Variants in VWA5B1 observed in about 807,000 individuals in gnomAD.
The protein encoded by VWA5B1 is von Willebrand factor A domain-containing protein 5B1.
In VWA5B1, 115 loss-of-function variants were observed where a neutral mutation model predicts 118.2. The ratio of observed to expected loss-of-function variants is 0.97; its 90% CI spans 0.84 to 1.14. The LOEUF is 1.14. VWA5B1 is among the 50% of genes most tolerant of loss of function. The pLI, the probability that VWA5B1 is intolerant of heterozygous loss-of-function variation, is 0.00. For missense variants in VWA5B1, 1,596 were observed against 1,603.8 expected (o/e 1.00, Z 0.08); for synonymous variants, 682 against 658.4 (o/e 1.04, Z -0.55).
At chr1:20,343,028 GCCGTCTGTCCCC>G in intron 15 of VWA5B1, 39 bp from the exon 16 acceptor site, 2 of 1,465,378 alleles carry the variant, frequency 1.4e-6, no homozygotes, top group Non-Finnish European at 1.8e-6. Flanking sequence ...CTGGGAGTTG[GCCGTCTGTCCCC>G]CAGGTCAGCG....
In VWA5B1 at chr1:20,334,676, C is replaced by G. The variant is rs566804854; in HGVS notation, c.1759-1627C>G. Among the ~76,000 whole-genome samples the G allele has an allele frequency of 1.4e-4, 21 of 152,048 alleles. No individual in the cohort carries two copies. In the East Asian group the frequency reaches 4.1e-3, roughly 30 times the overall value. On this transcript the variant is annotated intron_variant, in intron 12 of 21. Coordinates refer to ENST00000289815, the MANE Select transcript of VWA5B1 (RefSeq NM_001039500.3). ...AAATACAAAAATTAGCCAGGCGTGG[C>G]GTCAGTCACCTGCAACCCCAGCTAC... is the stretch of plus-strand genomic sequence containing the variant.
chr1:20,293,926 G>A (rs1035460846), intron 1 of VWA5B1, among the ~76,000 whole-genome samples: 2 of 152,170 alleles, frequency 1.3e-5, no homozygotes, highest in African/African-American at 4.8e-5. Context: ...TGTTTCCCAC[G>A]TGACTGGAGT....
intron 1 of VWA5B1, among the ~76,000 whole-genome samples, chr1:20,292,202 T>C (rs2088323032): frequency 6.6e-6 from 1 of 151,090 alleles, no homozygotes; most frequent in Non-Finnish European, 1.5e-5. Context: ...ACCTCCTTCC[T>C]TCTTTTTTTT....
At position 20,337,664 on chromosome 1, in the gene VWA5B1, G is replaced by A. The variant is rs1390359139; in HGVS notation, c.1961G>A (p.Arg654Gln). 5.8e-6 allele frequency: 9 copies of A among 1,551,386 alleles called. No homozygotes were observed. The highest frequency in any genetic ancestry group is 1.4e-5 in the African/African-American group (1 of 73,078). The change falls in exon 14 of 22, where the codon CGA (arginine) becomes CAA (glutamine). Residue 654 changes from arginine to glutamine, a missense_variant. Physicochemically the swap from Arg to Gln is conservative, Grantham distance 43 (BLOSUM62 1). Transcript: ENST00000289815. Reference sequence around the variant, plus strand: ...TGTCCAGATCTGAACCTCTCTCAGCGACGGAGGGCATACAGCACCAACCAG... The same window carrying A: ...TGTCCAGATCTGAACCTCTCTCAGCAACGGAGGGCATACAGCACCAACCAG... ...TTKHDLNLSQ[R>Q]RRAYSTNQIT...
At chr1:20,295,334 A>T (rs1438454409) in intron 1 of VWA5B1, among the ~76,000 whole-genome samples, 1 of 152,104 alleles carries the variant, frequency 6.6e-6, no homozygotes, top group African/African-American at 2.4e-5. Context: ...GGCGGAGCTG[A>T]ATTTGACGTG....
Position 20,330,309 on chromosome 1 carries a change from GT to G in VWA5B1, c.1385del (p.Val462GlyfsTer40). 1.3e-6 allele frequency: 2 copies of G among 1,551,778 alleles called. No homozygotes were observed. The highest frequency in any genetic ancestry group is 1.7e-6 in the Non-Finnish European group (2 of 1,147,014). ...VHRGHPRLLFVITDGAVNNTG... is the reference protein window; with the variant it reads ...VHRGHPRLLFXITDGAVNNTG... ...CCGAGGCCACCCGCGGCTCCTCTTC[GT>G]GATCACAGATGGCGCTGTCAACAAC... On this transcript the variant is annotated frameshift_variant, in exon 10 of 22. Coordinates refer to ENST00000289815, the MANE Select transcript of VWA5B1 (RefSeq NM_001039500.3). LOFTEE classifies it high-confidence loss of function.
chr1:20,350,839 C>G lies in VWA5B1; in HGVS notation c.2954-18C>G. On this transcript the variant is annotated intron_variant, in intron 19 of 21. Coordinates refer to ENST00000289815, the MANE Select transcript of VWA5B1 (RefSeq NM_001039500.3). ...GGTCATCTTCAGGTCTCAACTTGGTCATTCTGTGGCTCTCCAGGTCCCCAG... is the reference window on the plus strand; with the variant it reads ...GGTCATCTTCAGGTCTCAACTTGGTGATTCTGTGGCTCTCCAGGTCCCCAG... 1 of 1,551,618 alleles carries G rather than the reference C, an allele frequency of 6.4e-7. No homozygotes were observed.
chr1:20,315,867 T>G (rs556899160), intron 4 of VWA5B1, among the ~76,000 whole-genome samples: 4 of 152,218 alleles, frequency 2.6e-5, no homozygotes, highest in Non-Finnish European at 5.9e-5. Flanking sequence ...CGCCAGCCTG[T>G]GTGTTGTCTT....
chr1:20,356,836 A>G lies in VWA5B1; in HGVS notation c.*2573A>G, dbSNP rs1430272468. ...AGGTCTGGACAAGAGACATTTTTAA[A>G]GAACTTCAGTGGTATTGAGATGACA... On this transcript the variant is annotated 3_prime_UTR_variant, in exon 22 of 22. Coordinates refer to ENST00000289815, the MANE Select transcript of VWA5B1 (RefSeq NM_001039500.3). Among the ~76,000 whole-genome samples, 1 of 152,222 alleles carries G rather than the reference A, an allele frequency of 6.6e-6. No homozygotes were observed. Among genetic ancestry groups the G allele is most frequent in the African/African-American group, 2.4e-5 (1 of 41,448 alleles).
intron 1 of VWA5B1, among the ~76,000 whole-genome samples, chr1:20,291,359 T>TCTCTCTCTCTCTCTCTCTCTCTCTCTCTC (rs2088297636): frequency 9.7e-6 from 1 of 103,342 alleles, no homozygotes; most frequent in African/African-American, 3.6e-5. Context: ...CTTTCTTTCT[T>TCTCTCTCTCTCTCTCTCTCTCTCTCTCTC]TCTCTCTCTC....
chr1:20,313,717 G>C (rs56321439), intron 3 of VWA5B1, among the ~76,000 whole-genome samples: 2 of 152,308 alleles, frequency 1.3e-5, no homozygotes, highest in South Asian at 4.1e-4. Context: ...TGTTCGGTGA[G>C]CACTCATCCT....
intron 17 of VWA5B1, among the ~76,000 whole-genome samples, chr1:20,347,829 C>T (rs368676389): frequency 3.3e-5 from 5 of 152,114 alleles, no homozygotes; most frequent in African/African-American, 1.2e-4. Flanking sequence ...ATTTCAGGGG[C>T]CTGCCCTGTG....
chr1:20,321,978 C>A (rs2089232902), intron 7 of VWA5B1, among the ~76,000 whole-genome samples: 1 of 152,154 alleles, frequency 6.6e-6, no homozygotes, highest in Admixed American at 6.5e-5. Context: ...TCTGGCTGCT[C>A]TCTGCAGAAT....
At chr1:20,320,142 G>A (rs918963776) in intron 7 of VWA5B1, among the ~76,000 whole-genome samples, 1 of 152,180 alleles carries the variant, frequency 6.6e-6, no homozygotes, top group Non-Finnish European at 1.5e-5. Flanking sequence ...GCCAAGATAG[G>A]TTTCAGAATG....
intron 14 of VWA5B1, among the ~76,000 whole-genome samples, chr1:20,339,801 C>T (rs759441974): frequency 6.6e-6 from 1 of 152,172 alleles, no homozygotes; most frequent in Admixed American, 6.5e-5. Flanking sequence ...GCAACTGGCC[C>T]TGCGGTCTGG....
At chr1:20,344,832 C>T (rs543014666) in intron 16 of VWA5B1, among the ~76,000 whole-genome samples, 3 of 152,274 alleles carry the variant, frequency 2.0e-5, no homozygotes, top group South Asian at 2.1e-4. Flanking sequence ...TTACAGTTCA[C>T]GAAGCACTTT....
chr1:20,310,086 C>T (rs537036926), intron 1 of VWA5B1, among the ~76,000 whole-genome samples: 148 of 152,112 alleles, frequency 9.7e-4, no homozygotes, highest in Non-Finnish European at 1.6e-3. Flanking sequence ...ACATACCAAG[C>T]GTTCACTGCA....
At chr1:20,314,226 T>G in intron 3 of VWA5B1, 96 bp from the exon 4 acceptor site, 1 of 1,307,456 alleles carries the variant, frequency 7.6e-7, no homozygotes, top group South Asian at 1.5e-5. Context: ...GATTTTCCCA[T>G]CAGCAAAATG....
intron 1 of VWA5B1, among the ~76,000 whole-genome samples, chr1:20,298,691 G>A (rs545570024): frequency 6.6e-6 from 1 of 152,134 alleles, no homozygotes; most frequent in African/African-American, 2.4e-5. Flanking sequence ...ACAAGTCAAA[G>A]CCTGGCTTTG....
Sources: allele counts gnomAD v4.1 joint callset (sites outside exome capture counted in the v4.1 genomes callset), GRCh38; gene constraint gnomAD v4.1.1; transcripts MANE v1.5; gene names NCBI Gene and HGNC (gene_info 2026-07-23, HGNC 2026-07-21).